The following MIR2052HG variants were observed in gnomAD, a reference collection of about 807,000 sequenced individuals.
MIR2052HG encodes the protein MIR2052 host gene.
At chr8:74,746,567 A>AGTGTGTGTGTGTGTGTGTGTGT (rs72103010) in intron 4 of MIR2052HG, among the ~76,000 whole-genome samples, 4 of 147,536 alleles carry the variant, frequency 2.7e-5, no homozygotes, top group Non-Finnish European at 6.0e-5. Flanking sequence ...GAGGAGAAGA[A>AGTGTGTGTGTGTGTGTGTGTGT]GTGTGTGTGT....
intron 2 of MIR2052HG, among the ~76,000 whole-genome samples, chr8:74,643,961 T>A (rs1310373144): frequency 6.6e-6 from 1 of 152,228 alleles, no homozygotes; most frequent in Admixed American, 6.5e-5. Flanking sequence ...GATTGCTTGG[T>A]GGTAAGCTTC....
chr8:74,684,303 A>G (rs1348364091), intron 2 of MIR2052HG, among the ~76,000 whole-genome samples: 1 of 152,022 alleles, frequency 6.6e-6, no homozygotes, highest in Non-Finnish European at 1.5e-5. Context: ...TACCTTGGGC[A>G]TATCGTTTTT....
At chr8:74,607,058 C>T (rs1276985880) in intron 1 of MIR2052HG, among the ~76,000 whole-genome samples, 1 of 151,416 alleles carries the variant, frequency 6.6e-6, no homozygotes, top group Non-Finnish European at 1.5e-5. Context: ...AAAGCAAGAT[C>T]CAACTATATA....
intron 4 of MIR2052HG, among the ~76,000 whole-genome samples, chr8:74,712,988 A>G (rs1245301945): frequency 6.6e-6 from 1 of 152,170 alleles, no homozygotes; most frequent in Admixed American, 6.6e-5. Context: ...ATACGCCAAG[A>G]GGATAGAGTG....
At chr8:74,722,138 C>CT (rs1809583949) in intron 4 of MIR2052HG, among the ~76,000 whole-genome samples, 1 of 152,160 alleles carries the variant, frequency 6.6e-6, no homozygotes, top group African/African-American at 2.4e-5. Flanking sequence ...GATCATGCCA[C>CT]TGCACTCCAG....
intron 2 of MIR2052HG, among the ~76,000 whole-genome samples, chr8:74,624,822 T>G (rs1268105320): frequency 1.3e-5 from 2 of 152,186 alleles, no homozygotes; most frequent in South Asian, 2.1e-4. Context: ...CTGTATAGTT[T>G]TCTCACTCCG....
intron 5 of MIR2052HG, among the ~76,000 whole-genome samples, chr8:74,754,480 T>C (rs1809979259): frequency 6.6e-6 from 1 of 152,208 alleles, no homozygotes; most frequent in Non-Finnish European, 1.5e-5. Flanking sequence ...AAATGAGACT[T>C]GGAGCTATGA....
intron 2 of MIR2052HG, among the ~76,000 whole-genome samples, chr8:74,639,731 T>A (rs1808618930): frequency 6.6e-6 from 1 of 152,226 alleles, no homozygotes; most frequent in African/African-American, 2.4e-5. Flanking sequence ...ATGTTCCTAT[T>A]GGACATTTTA....
At chr8:74,640,890 T>C (rs1322172662) in intron 2 of MIR2052HG, among the ~76,000 whole-genome samples, 1 of 152,196 alleles carries the variant, frequency 6.6e-6, no homozygotes, top group African/African-American at 2.4e-5. Context: ...TCTCAGAGAA[T>C]GTGACTGCCT....
chr8:74,629,714 G>A (rs969797608), intron 2 of MIR2052HG, among the ~76,000 whole-genome samples: 1 of 152,172 alleles, frequency 6.6e-6, no homozygotes, highest in East Asian at 1.9e-4. Context: ...AGGTATCTGA[G>A]TGGTGCACCA....
At chr8:74,601,666 C>T (rs1247496903) in intron 1 of MIR2052HG, among the ~76,000 whole-genome samples, 1 of 152,258 alleles carries the variant, frequency 6.6e-6, no homozygotes, top group Admixed American at 6.5e-5. Context: ...TAAATCATAG[C>T]ATATTTTAGG....
intron 2 of MIR2052HG, among the ~76,000 whole-genome samples, chr8:74,631,538 T>C (rs892414978): frequency 1.3e-5 from 2 of 152,184 alleles, no homozygotes; most frequent in African/African-American, 4.8e-5. Context: ...TTAATATAAT[T>C]ACCTAATCAT....
intron 4 of MIR2052HG, among the ~76,000 whole-genome samples, chr8:74,738,862 C>A (rs6981808): frequency 6.6e-6 from 1 of 152,058 alleles, no homozygotes; most frequent in Non-Finnish European, 1.5e-5. Flanking sequence ...GAGGCTTACA[C>A]GCATTCAGTC....
intron 2 of MIR2052HG, among the ~76,000 whole-genome samples, chr8:74,649,538 T>C (rs1808730824): frequency 6.6e-6 from 1 of 152,132 alleles, no homozygotes; most frequent in Non-Finnish European, 1.5e-5. Flanking sequence ...TACATATATA[T>C]ATATGCACAT....
intron 4 of MIR2052HG, among the ~76,000 whole-genome samples, chr8:74,711,698 C>T (rs891114879): frequency 6.6e-6 from 1 of 152,164 alleles, no homozygotes; most frequent in Non-Finnish European, 1.5e-5. Context: ...TGTTAATTTC[C>T]CTTTACATTT....
chr8:74,752,675 G>T (rs1380454568), intron 5 of MIR2052HG: 1 of 330,420 alleles, frequency 3.0e-6, no homozygotes, highest in East Asian at 9.7e-5. Flanking sequence ...GATTGCAGAT[G>T]CCTAGAAAAA....
chr8:74,610,197 T>C (rs962760009), intron 1 of MIR2052HG, among the ~76,000 whole-genome samples: 2 of 151,968 alleles, frequency 1.3e-5, no homozygotes, highest in Non-Finnish European at 2.9e-5. Context: ...GGATGCAAGA[T>C]TAATATACAA....
intron 4 of MIR2052HG, among the ~76,000 whole-genome samples, chr8:74,731,607 G>C (rs1458382647): frequency 2.6e-5 from 4 of 152,074 alleles, no homozygotes; most frequent in Non-Finnish European, 2.9e-5. Context: ...TGCTTAAATA[G>C]TCTTCTAGAC....
intron 1 of MIR2052HG, chr8:74,609,855 T>C (rs2128731191): frequency 6.6e-6 from 1 of 151,454 alleles, no homozygotes; most frequent in Non-Finnish European, 1.5e-5. Context: ...ACATAATACT[T>C]AATGGTGAAA....
Sources: allele counts gnomAD v4.1 joint callset (sites outside exome capture counted in the v4.1 genomes callset), GRCh38; gene constraint gnomAD v4.1.1; transcripts MANE v1.5; gene names NCBI Gene and HGNC (gene_info 2026-07-23, HGNC 2026-07-21).